Variants in AGBL5 observed in about 807,000 individuals in gnomAD.
AGBL5 encodes the protein AGBL carboxypeptidase 5.
A neutral mutation model predicts 88.0 loss-of-function variants in AGBL5; 51 were observed. The observed-to-expected ratio is 0.58, with a 90% CI of 0.46 to 0.73. The LOEUF is 0.73. AGBL5 is among the 30% of genes least tolerant of loss of function. The probability of loss-of-function intolerance (pLI) is 0.00; values close to 1 mark genes in which losing one functional copy is unlikely to be tolerated. For synonymous variants in AGBL5, 446 were observed against 438.8 expected (o/e 1.02, Z -0.21); for missense variants, 1,031 against 1,162.2 (o/e 0.89, Z 1.64).
At chr2:27,055,281 C>T in intron 6 of AGBL5, 28 bp downstream of exon 6, 2 of 1,607,670 alleles carry the variant, frequency 1.2e-6, no homozygotes, top group Non-Finnish European at 1.7e-6. Flanking sequence ...CCTGTCTGGA[C>T]TGTTCCCATT....
At chr2:27,069,170 A>G (rs1237766938) in intron 13 of AGBL5, 1 of 1,342,260 alleles carries the variant, frequency 7.5e-7, no homozygotes, top group Non-Finnish European at 9.8e-7. Flanking sequence ...CATGCTAGGT[A>G]AAGCTGAGTA....
chr2:27,059,644 G>GACT (rs1668614154), intron 11 of AGBL5: 1 of 887,722 alleles, frequency 1.1e-6, no homozygotes, highest in Admixed American at 3.0e-5. Context: ...TGCATGCTAG[G>GACT]AGCCAGGGAA....
intron 11 of AGBL5, among the ~76,000 whole-genome samples, chr2:27,063,459 G>A (rs1668815514): frequency 6.6e-6 from 1 of 152,170 alleles, no homozygotes; most frequent in Non-Finnish European, 1.5e-5. Context: ...GCCAGGTGTG[G>A]TGGTGGGTGC....
chr2:27,069,283 C>T (rs751312390), intron 13 of AGBL5: 18 of 985,286 alleles, frequency 1.8e-5, no homozygotes, highest in Non-Finnish European at 2.0e-5. Flanking sequence ...TATCTTTCTA[C>T]ACAGTGTTTC....
In AGBL5 at chr2:27,052,896, C is replaced by A; in HGVS notation, c.-46-17C>A. 1 of 1,434,174 alleles carries A rather than the reference C, an allele frequency of 7.0e-7. No individual in the cohort carries two copies. The highest frequency in any genetic ancestry group is 9.4e-7 in the Non-Finnish European group (1 of 1,068,252). 88.8% of individuals were successfully genotyped at this position (1,434,174 alleles called of 1,614,324 possible). On this transcript the variant is annotated splice_polypyrimidine_tract_variant and intron_variant, in intron 1 of 14. Coordinates refer to ENST00000360131, the MANE Select transcript of AGBL5 (RefSeq NM_021831.6). The stretch of plus-strand genomic sequence containing the variant: ...GTCTTCCCTTTCCTCCTTAACCTAA[C>A]CCTTGTTTTCCCCCAGCTCTCAGGG...
chr2:27,054,414 A>C, intron 4 of AGBL5: 1 of 588,218 alleles, frequency 1.7e-6, no homozygotes, highest in South Asian at 2.3e-5. Context: ...AGGAAGCCAC[A>C]AACTGGGGAA....
chr2:27,056,610 CT>C lies in AGBL5; in HGVS notation c.1366-11del. On this transcript the variant is annotated splice_polypyrimidine_tract_variant and intron_variant, in intron 7 of 14. Coordinates refer to ENST00000360131, the MANE Select transcript of AGBL5 (RefSeq NM_021831.6). ...TGTCTCTCCTTCTGAGTTGACTTTT[CT>C]TCCCCAAACAGGTGGAAAACATGCT... The C allele has an allele frequency of 1.9e-6, 3 of 1,584,018 alleles. No homozygotes were observed. The highest frequency in any genetic ancestry group is 1.7e-6 in the Non-Finnish European group (2 of 1,160,562).
chr2:27,054,887 C>T, intron 5 of AGBL5, 80 bp downstream of exon 5: 1 of 1,536,348 alleles, frequency 6.5e-7, no homozygotes, highest in South Asian at 1.3e-5. Flanking sequence ...ACTATGTTAT[C>T]TCTAGGCATC....
At chr2:27,051,225 T>C (rs543779553), upstream of AGBL5, among the ~76,000 whole-genome samples, 1 of 152,130 alleles carries the variant, frequency 6.6e-6, no homozygotes, top group Non-Finnish European at 1.5e-5. Flanking sequence ...GGGGATTAGC[T>C]CAAATGGTAG....
At chr2:27,050,760 G>A (rs1447513899), upstream of AGBL5, among the ~76,000 whole-genome samples, 3 of 152,118 alleles carry the variant, frequency 2.0e-5, no homozygotes, top group Non-Finnish European at 2.9e-5. Context: ...AGGGCTATCA[G>A]CAGCATCTTA....
intron 8 of AGBL5, 95 bp downstream of exon 8, chr2:27,056,887 TGAG>T: frequency 1.5e-6 from 2 of 1,342,398 alleles, no homozygotes; most frequent in Non-Finnish European, 2.0e-6. Context: ...TCCCAGCTAC[TGAG>T]GAGGCTGAGG....
At chr2:27,056,838 G>C in intron 8 of AGBL5, 46 bp downstream of exon 8, 1 of 1,554,500 alleles carries the variant, frequency 6.4e-7, no homozygotes, top group African/African-American at 1.4e-5. Context: ...CTTCCCTAAA[G>C]AAAACACCGT....
chr2:27,068,603 T>C (rs373415800), intron 12 of AGBL5, 29 bp from the exon 13 acceptor site: 5 of 1,606,934 alleles, frequency 3.1e-6, no homozygotes, highest in Non-Finnish European at 4.3e-6. Context: ...CTGTGACCCC[T>C]ACCCTGATCA....
In AGBL5 at chr2:27,055,988, G is replaced by A; in HGVS notation, c.1215G>A (p.Met405Ile). 1 of 1,614,252 alleles carries A rather than the reference G, an allele frequency of 6.2e-7. No homozygotes were observed. Among genetic ancestry groups the A allele is most frequent in the Non-Finnish European group, 8.5e-7 (1 of 1,180,046 alleles). Reference protein sequence around the residue: ...AEQKLNSVWIMPQQSAGLEES... With the variant: ...AEQKLNSVWIIPQQSAGLEES... ...AGAAGCTCAACAGTGTGTGGATTAT[G>A]CCACAACAGTCTGCGGGGCTTGAAG... The change falls in exon 7 of 15, where the codon ATG becomes ATA. Residue 405 changes from methionine to isoleucine, a missense_variant. Physicochemically the swap from Met to Ile is conservative, Grantham distance 10 (BLOSUM62 1). Around this residue, in one of 2 missense-constraint regions of AGBL5, gnomAD observed 540 missense variants for 678.2 expected, o/e 0.80. Transcript: ENST00000360131.
At chr2:27,063,510 G>A (rs1034082704) in intron 11 of AGBL5, among the ~76,000 whole-genome samples, 1 of 151,886 alleles carries the variant, frequency 6.6e-6, no homozygotes, top group Non-Finnish European at 1.5e-5. Flanking sequence ...CAGGAGAATG[G>A]CGTGAACCCA....
chr2:27,054,647 A>G lies in AGBL5; in HGVS notation c.569A>G (p.Tyr190Cys), dbSNP rs1165745662. Residue 190 changes from tyrosine to cysteine, a missense_variant, in exon 5 of 15, where the codon TAT becomes TGT. Physicochemically the swap from Tyr to Cys is radical, Grantham distance 194. Transcript: ENST00000360131. The stretch of plus-strand genomic sequence containing the variant: ...CCCTGTAGCCCCCTGGATACCATCT[A>G]TTACCATCGGGAGCTCCTTTGCTAT... The part of the protein sequence containing the change: ...PTHSSPLDTI[Y>C]YHRELLCYSL... The G allele has an allele frequency of 2.6e-5, 42 of 1,613,790 alleles. No individual in the cohort carries two copies. The highest frequency in any genetic ancestry group is 3.3e-5 in the Non-Finnish European group (39 of 1,179,908).
chr2:27,068,698 T>C lies in AGBL5; in HGVS notation c.2309T>C (p.Leu770Pro). The part of the protein sequence containing the change: ...PEAVMVIGKG[L>P]LGTGARMPCI... ...GCTGTCATGGTAATCGGGAAAGGTCTGCTAGGGACTGGAGCTCGGATGCCC... is the reference window on the plus strand; with the variant it reads ...GCTGTCATGGTAATCGGGAAAGGTCCGCTAGGGACTGGAGCTCGGATGCCC... The change falls in exon 13 of 15, where the codon CTG becomes CCG. Residue 770 changes from leucine (L) to proline (P), a missense_variant. Around this residue, in one of 2 missense-constraint regions of AGBL5, gnomAD observed 491 missense variants for 484.0 expected, o/e 1.01. Coordinates refer to ENST00000360131, the MANE Select transcript of AGBL5 (RefSeq NM_021831.6). 1 of 1,614,168 alleles carries C rather than the reference T, an allele frequency of 6.2e-7. No individual in the cohort carries two copies. The highest frequency in any genetic ancestry group is 8.5e-7 in the Non-Finnish European group (1 of 1,180,020).
chr2:27,056,354 C>T, intron 7 of AGBL5: 1 of 622,840 alleles, frequency 1.6e-6, no homozygotes, highest in Non-Finnish European at 2.7e-6. Context: ...GGAAAGCTAA[C>T]TGCATTATAG....
intron 6 of AGBL5, chr2:27,055,474 C>G (rs1668379835): frequency 2.5e-6 from 2 of 814,610 alleles, no homozygotes; most frequent in South Asian, 3.7e-5. Flanking sequence ...TGGGTGGAGG[C>G]AGCTACCCTG....
Sources: gnomAD v4.1 joint callset for allele counts (sites outside exome capture counted in the v4.1 genomes callset) on GRCh38, gnomAD v4.1.1 for gene constraint, gnomAD v4.1.1 regional missense constraint, MANE v1.5 for transcripts, NCBI Gene and HGNC (gene_info 2026-07-23, HGNC 2026-07-21) for gene names.